The following MYLK variants were observed in gnomAD, a reference collection of about 807,000 sequenced individuals.
MYLK encodes the protein myosin light chain kinase.
In MYLK, 106 loss-of-function variants were observed where a neutral mutation model predicts 203.4. The observed-to-expected ratio is 0.52, with a 90% CI of 0.45 to 0.61. The LOEUF (loss-of-function observed/expected upper bound fraction) is 0.61, where lower values mean the gene tolerates loss of function less well. MYLK is among the 20% of genes least tolerant of loss of function. The probability of loss-of-function intolerance (pLI) is 0.00; values close to 1 mark genes in which losing one functional copy is unlikely to be tolerated. For missense variants in MYLK, 2,072 were observed against 2,442.3 expected, an observed-to-expected ratio of 0.85 and a Z score of 3.20; for synonymous variants, 867 against 959.5, an observed-to-expected ratio of 0.90 and a Z score of 1.78.
intron 1 of MYLK, among the ~76,000 whole-genome samples, chr3:123,879,775 C>T (rs1025207189): frequency 2.0e-5 from 3 of 151,876 alleles, no homozygotes; most frequent in Non-Finnish European, 2.9e-5. Flanking sequence ...GCTGGGACTA[C>T]AGCCGAGTAG....
At chr3:123,783,702 T>C (rs551514834) in intron 4 of MYLK, among the ~76,000 whole-genome samples, 1 of 151,878 alleles carries the variant, frequency 6.6e-6, no homozygotes, top group Non-Finnish European at 1.5e-5. Context: ...ATAAAATGGC[T>C]AAAGGTTTCT....
chr3:123,874,712 G>T (rs991082960), intron 2 of MYLK, among the ~76,000 whole-genome samples: 1 of 152,132 alleles, frequency 6.6e-6, no homozygotes, highest in Non-Finnish European at 1.5e-5. Flanking sequence ...GCTACAGGCA[G>T]CGAGAAAATA....
At chr3:123,745,778 T>C (rs1254690532) in intron 5 of MYLK, among the ~76,000 whole-genome samples, 1 of 152,186 alleles carries the variant, frequency 6.6e-6, no homozygotes, top group African/African-American at 2.4e-5. Flanking sequence ...AAGAGACATG[T>C]CTTGCCTTCA....
At chr3:123,777,919 T>C (rs2109016202) in intron 4 of MYLK, among the ~76,000 whole-genome samples, 1 of 152,272 alleles carries the variant, frequency 6.6e-6, no homozygotes, top group East Asian at 1.9e-4. Context: ...ACAGACAAAA[T>C]GATTTCCAGA....
chr3:123,635,195 A>G (rs1267955704), intron 29 of MYLK, among the ~76,000 whole-genome samples: 1 of 152,238 alleles, frequency 6.6e-6, no homozygotes, highest in Non-Finnish European at 1.5e-5. Context: ...TGCCCGACAG[A>G]TGACTAGGCT....
intron 4 of MYLK, among the ~76,000 whole-genome samples, chr3:123,756,833 T>C (rs7620887): frequency 0.9 from 136,359 of 152,174 alleles, 62,860 homozygotes; most frequent in East Asian, 1. Flanking sequence ...GTTGTATTCT[T>C]GAACAAAAGC....
Position 123,629,631 on chromosome 3 carries a change from A to G in MYLK, c.4962-5T>C, listed in dbSNP as rs908450520. On this transcript the variant is annotated splice_region_variant and splice_polypyrimidine_tract_variant and intron_variant, in intron 29 of 33. Coordinates refer to ENST00000360304, the MANE Select transcript of MYLK (RefSeq NM_053025.4). This position sits in a 1 kb window ranked among gnomAD's most constrained non-coding sequence, Gnocchi z 4.4. The stretch of plus-strand genomic sequence containing the variant: ...AAGGGGGAAAGGCCACTGACTCTGG[A>G]GAGACAAGAGCAGGACAGCAGGTGT... 5.6e-6 allele frequency: 9 copies of G among 1,613,410 alleles called. No homozygotes were observed. Among genetic ancestry groups the G allele is most frequent in the Admixed American group, 1.7e-5 (1 of 59,996 alleles).
At chr3:123,855,956 C>G (rs1920232) in intron 2 of MYLK, among the ~76,000 whole-genome samples, 4 of 152,068 alleles carry the variant, frequency 2.6e-5, no homozygotes, top group Non-Finnish European at 5.9e-5. Flanking sequence ...TCCACTCATT[C>G]GAGTGTAAAC....
At chr3:123,707,659 A>C in intron 16 of MYLK, 95 bp downstream of exon 16, 1 of 1,594,354 alleles carries the variant, frequency 6.3e-7, no homozygotes, top group Non-Finnish European at 8.6e-7. Context: ...GCCCCACATC[A>C]GTTTGTGCTT....
intron 11 of MYLK, among the ~76,000 whole-genome samples, chr3:123,729,048 C>T (rs1219125987): frequency 6.6e-6 from 1 of 152,124 alleles, no homozygotes; most frequent in Non-Finnish European, 1.5e-5. Context: ...AAAGCTCTGA[C>T]AGATTCCTGA....
chr3:123,734,373 T>A (rs1484987470), intron 9 of MYLK, 151 bp from the exon 10 acceptor site: 19 of 768,906 alleles, frequency 2.5e-5, no homozygotes, highest in Non-Finnish European at 3.3e-5. Context: ...CATCTTTCTC[T>A]GCAGTTTGCC....
chr3:123,751,739 G>T (rs189489274), intron 5 of MYLK, among the ~76,000 whole-genome samples: 1 of 152,118 alleles, frequency 6.6e-6, no homozygotes, highest in Middle Eastern at 3.2e-3. Flanking sequence ...ATGGTAATAC[G>T]TCCTAAAAGA....
intron 2 of MYLK, among the ~76,000 whole-genome samples, chr3:123,849,236 A>C (rs757859193): frequency 4.6e-5 from 7 of 152,146 alleles, no homozygotes; most frequent in Admixed American, 4.6e-4. Context: ...GGCCTCCTAA[A>C]GTGCTTGGAT....
Position 123,664,246 on chromosome 3 carries a change from C to T in MYLK, c.3844G>A (p.Glu1282Lys), listed in dbSNP as rs765252740. 1.4e-5 allele frequency: 22 copies of T among 1,614,052 alleles called. No individual in the cohort carries two copies. The highest frequency in any genetic ancestry group is 1.0e-4 in the Admixed American group (6 of 60,008). The part of the protein sequence containing the change: ...MKFRKQIQES[E>K]HMKVENSENG... Reference sequence around the variant, plus strand: ...TCGCTGTTCTCCACCTTCATGTGCTCGCTTTCCTGGATCTAGGGGCGGAGG... The same window carrying T: ...TCGCTGTTCTCCACCTTCATGTGCTTGCTTTCCTGGATCTAGGGGCGGAGG... The change falls in exon 23 of 34, where the codon GAG becomes AAG. Residue 1282 changes from glutamate (E) to lysine (K), a missense_variant. Transcript: ENST00000360304.
chr3:123,867,468 G>A (rs145433523), intron 2 of MYLK, among the ~76,000 whole-genome samples: 80 of 150,754 alleles, frequency 5.3e-4, no homozygotes, highest in African/African-American at 1.9e-3. Context: ...TGCATTGGAC[G>A]CAGACACACA....
At chr3:123,682,090 G>T in intron 20 of MYLK, 134 bp downstream of exon 20, 1 of 737,026 alleles carries the variant, frequency 1.4e-6, no homozygotes, top group Admixed American at 2.0e-5. Flanking sequence ...TTCAGGGTGT[G>T]GGCAGACATC....
chr3:123,644,970 C>T (rs750726697), intron 27 of MYLK, among the ~76,000 whole-genome samples: 2 of 152,124 alleles, frequency 1.3e-5, no homozygotes, highest in Admixed American at 1.3e-4. Flanking sequence ...AAAATCATGA[C>T]TCAATAGTAG....
At chr3:123,752,170 A>T (rs1430681428) in intron 5 of MYLK, among the ~76,000 whole-genome samples, 161 bp downstream of exon 5, 1 of 152,162 alleles carries the variant, frequency 6.6e-6, no homozygotes, top group African/African-American at 2.4e-5. Flanking sequence ...CGCAGGGACC[A>T]CATCTCTCCC....
intron 4 of MYLK, among the ~76,000 whole-genome samples, chr3:123,778,304 G>A (rs1247827185): frequency 6.6e-6 from 1 of 152,014 alleles, no homozygotes; most frequent in African/African-American, 2.4e-5. Flanking sequence ...TGATAATGGG[G>A]AGATAATGGT....
Sources: allele counts gnomAD v4.1 joint callset (sites outside exome capture counted in the v4.1 genomes callset), GRCh38; gene constraint gnomAD v4.1.1; non-coding constraint Gnocchi (gnomAD v3.1); transcripts MANE v1.5; gene names NCBI Gene and HGNC (gene_info 2026-07-23, HGNC 2026-07-21).